Variants in SHROOM3 observed in about 807,000 individuals in gnomAD.
SHROOM3 encodes the protein shroom family member 3, also known as protein Shroom3.
A neutral mutation model predicts 138.6 loss-of-function variants in SHROOM3; 47 were observed. The ratio of observed to expected loss-of-function variants is 0.34; its 90% CI spans 0.27 to 0.43. The LOEUF (loss-of-function observed/expected upper bound fraction) is 0.43. SHROOM3 is among the 20% of genes least tolerant of loss of function. The pLI, the probability that SHROOM3 is intolerant of heterozygous loss-of-function variation, is 1.00. For missense variants in SHROOM3, 2,491 were observed against 2,596.5 expected (o/e 0.96, Z 0.88); for synonymous variants, 1,062 against 1,063.3 (o/e 1.00, Z 0.02).
Position 76,435,875 on chromosome 4 carries a change from C to G in SHROOM3, c.-178C>G. ...GTTGAAGTGAAAATTCCTTCTGGTT[C>G]AGCATCTTGGAGTTCAGCTTGGAAG... On this transcript the variant is annotated 5_prime_UTR_variant, in exon 1 of 11. Coordinates refer to ENST00000296043, the MANE Select transcript of SHROOM3 (RefSeq NM_020859.4). 1.7e-6 allele frequency: 1 copy of G among 577,254 alleles called. No individual in the cohort carries two copies. Among genetic ancestry groups the G allele is most frequent in the Non-Finnish European group, 3.0e-6 (1 of 335,972 alleles). 35.8% of individuals were successfully genotyped at this position (577,254 alleles called of 1,614,324 possible).
chr4:76,757,051 C>G (rs1485214405), intron 8 of SHROOM3, 114 bp downstream of exon 8: 2 of 1,529,912 alleles, frequency 1.3e-6, no homozygotes, highest in Non-Finnish European at 1.8e-6. Flanking sequence ...GCTCCTGAAC[C>G]AAGAGTGACA....
chr4:76,485,975 C>G (rs753862096), intron 1 of SHROOM3, among the ~76,000 whole-genome samples: 1 of 152,062 alleles, frequency 6.6e-6, no homozygotes, highest in African/African-American at 2.4e-5. Context: ...CTGTTTTTCT[C>G]CTTCTTAAAC....
chr4:76,680,726 T>C (rs1295694660), intron 2 of SHROOM3, among the ~76,000 whole-genome samples: 2 of 152,220 alleles, frequency 1.3e-5, no homozygotes, highest in African/African-American at 4.8e-5. Context: ...TACCATTTTG[T>C]AGGTGAGAAA....
chr4:76,510,141 T>A (rs1034556901), intron 1 of SHROOM3, among the ~76,000 whole-genome samples: 1 of 152,150 alleles, frequency 6.6e-6, no homozygotes, highest in African/African-American at 2.4e-5. Flanking sequence ...TATAAATCTA[T>A]CATTAAAATA....
rs1415946906 is a variant in SHROOM3, at chr4:76,707,450, CT to C, written c.324-2696del. On this transcript the variant is annotated intron_variant, in intron 2 of 10. Transcript: ENST00000296043. The stretch of plus-strand genomic sequence containing the variant: ...AATATCTGGCACATGGGAAAGCACA[CT>C]TTTTTTTTTAAGAAAGACTTGGCAA... 8.0e-5 allele frequency among the ~76,000 whole-genome samples: 12 copies of C among 149,460 alleles called. No individual in the cohort carries two copies. The East Asian group carries it at 1.8e-3, about 22-fold the overall frequency.
At chr4:76,701,506 T>C (rs1719900514) in intron 2 of SHROOM3, among the ~76,000 whole-genome samples, 1 of 152,228 alleles carries the variant, frequency 6.6e-6, no homozygotes, top group Admixed American at 6.5e-5. Flanking sequence ...TTGCTTTACT[T>C]GCCTTTTAGG....
chr4:76,728,518 CT>C (rs1438976440), intron 3 of SHROOM3, among the ~76,000 whole-genome samples: 1 of 152,186 alleles, frequency 6.6e-6, no homozygotes, highest in Non-Finnish European at 1.5e-5. Context: ...AGACCTCTTT[CT>C]TTTGTAAATT....
intron 1 of SHROOM3, among the ~76,000 whole-genome samples, chr4:76,524,114 A>G (rs557088169): frequency 2.7e-4 from 41 of 152,354 alleles, no homozygotes; most frequent in African/African-American, 9.6e-4. Context: ...AATAGTTAGC[A>G]GGAGGTAGAG....
chr4:76,766,917 T>C (rs933151297), intron 9 of SHROOM3, among the ~76,000 whole-genome samples: 1 of 152,226 alleles, frequency 6.6e-6, no homozygotes, highest in Non-Finnish European at 1.5e-5. Context: ...CAAATATTAA[T>C]AACTTTCCAA....
intron 2 of SHROOM3, among the ~76,000 whole-genome samples, chr4:76,636,823 G>C (rs1049674715): frequency 1.3e-5 from 2 of 152,208 alleles, no homozygotes; most frequent in African/African-American, 4.8e-5. Context: ...GCTGAGACAG[G>C]CCATGGCCAA....
intron 10 of SHROOM3, among the ~76,000 whole-genome samples, chr4:76,775,321 G>GGTGT (rs57294282): frequency 0.01 from 1,533 of 149,200 alleles, 22 homozygotes; most frequent in African/African-American, 0.034. Flanking sequence ...TAGTCCATGG[G>GGTGT]GTGTGTGTGT....
intron 2 of SHROOM3, among the ~76,000 whole-genome samples, chr4:76,640,876 G>A (rs1204743002): frequency 1.3e-5 from 2 of 152,206 alleles, no homozygotes; most frequent in Non-Finnish European, 2.9e-5. Flanking sequence ...TTGCCTGCAA[G>A]CAATCTGTAT....
intron 1 of SHROOM3, among the ~76,000 whole-genome samples, chr4:76,477,216 CA>C (rs370413014): frequency 5.9e-5 from 9 of 152,036 alleles, no homozygotes; most frequent in African/African-American, 1.2e-4. Flanking sequence ...ATCCACCCCC[CA>C]CTCGGCCTCC....
chr4:76,487,171 T>C (rs1364232861), intron 1 of SHROOM3, among the ~76,000 whole-genome samples: 1 of 152,230 alleles, frequency 6.6e-6, no homozygotes, highest in East Asian at 1.9e-4. Context: ...GGACATTTCA[T>C]ATAAATAGAA....
chr4:76,486,847 C>G (rs1433266767), intron 1 of SHROOM3, among the ~76,000 whole-genome samples: 1 of 151,988 alleles, frequency 6.6e-6, no homozygotes, highest in Non-Finnish European at 1.5e-5. Flanking sequence ...CATTATTAAC[C>G]CTGTGACTTG....
chr4:76,710,384 C>T (rs1720196637), intron 3 of SHROOM3, 97 bp downstream of exon 3: 1 of 1,441,788 alleles, frequency 6.9e-7, no homozygotes, highest in Non-Finnish European at 9.6e-7. Context: ...CAAGGATGGT[C>T]AGGATACAGG....
At chr4:76,448,885 C>T (rs17001970) in intron 1 of SHROOM3, among the ~76,000 whole-genome samples, 12,262 of 152,194 alleles carry the variant, frequency 0.081, 623 homozygotes, top group African/African-American at 0.14. Flanking sequence ...GGAATTCAAG[C>T]GGAAGGAATC....
intron 9 of SHROOM3, among the ~76,000 whole-genome samples, chr4:76,765,294 C>T (rs1160420221): frequency 6.7e-6 from 1 of 149,408 alleles, no homozygotes; most frequent in African/African-American, 2.5e-5. Flanking sequence ...GCAGGCGGAT[C>T]TCTTGAGTCT....
intron 2 of SHROOM3, among the ~76,000 whole-genome samples, chr4:76,569,746 A>G (rs1733798176): frequency 1.3e-5 from 2 of 151,560 alleles, no homozygotes; most frequent in Non-Finnish European, 2.9e-5. Context: ...AACTTGCATC[A>G]AAACGGCTGT....
Sources: gnomAD v4.1 joint callset for allele counts (sites outside exome capture counted in the v4.1 genomes callset) on GRCh38, gnomAD v4.1.1 for gene constraint, MANE v1.5 for transcripts, NCBI Gene and HGNC (gene_info 2026-07-23, HGNC 2026-07-21) for gene names.